Variants in ACSM1 observed in about 807,000 individuals in gnomAD.
ACSM1 encodes the protein acyl-CoA synthetase medium chain family member 1, also known as acyl-coenzyme A synthetase ACSM1, mitochondrial.
A neutral mutation model predicts 75.8 loss-of-function variants in ACSM1; 79 were observed. That is an observed-to-expected ratio of 1.04 (90% CI 0.87 to 1.26). The LOEUF is 1.26. Among genes scored for constraint, ACSM1 ranks in the 50% most tolerant of loss-of-function variants. ACSM1 has a pLI of 0.00. For synonymous variants in ACSM1, 279 were observed against 265.8 expected (o/e 1.05, Z -0.48); for missense variants, 676 against 720.1 (o/e 0.94, Z 0.70).
At chr16:20,673,850 G>A (rs2020107191) in intron 4 of ACSM1, among the ~76,000 whole-genome samples, 1 of 152,116 alleles carries the variant, frequency 6.6e-6, no homozygotes, top group African/African-American at 2.4e-5. Context: ...ATAACCCCCT[G>A]ACTTTACAAA....
In ACSM1 at chr16:20,671,067, T is replaced by G. The variant is rs373442685; in HGVS notation, c.752+464A>C. Among the ~76,000 whole-genome samples, 142 of 152,270 alleles carry G rather than the reference T, an allele frequency of 9.3e-4. 6 individuals are homozygous for G. The South Asian group carries it at 0.028, about 30-fold the overall frequency. Reference sequence around the variant, plus strand: ...TTGGCATAGCTTGGTTCCAGATATTTTCTTCCCTAGAAGTGAATAATTGAG... The same window carrying G: ...TTGGCATAGCTTGGTTCCAGATATTGTCTTCCCTAGAAGTGAATAATTGAG... On this transcript the variant is annotated intron_variant, in intron 5 of 13. Transcript: ENST00000520010.
intron 9 of ACSM1, 135 bp downstream of exon 9, chr16:20,637,236 C>A (rs1275201021): frequency 2.4e-6 from 2 of 818,838 alleles, no homozygotes; most frequent in Admixed American, 3.4e-5. Flanking sequence ...CCATATGAAA[C>A]TGAAGGGATA....
intron 4 of ACSM1, chr16:20,679,785 G>A (rs2079400386): frequency 6.6e-6 from 1 of 152,128 alleles, no homozygotes; most frequent in Non-Finnish European, 1.5e-5. Context: ...GAAATAATCA[G>A]CTATATGTAT....
Position 20,624,555 on chromosome 16 carries a change from C to G in ACSM1, c.1528-340G>C, listed in dbSNP as rs540717939. 3.3e-5 allele frequency among the ~76,000 whole-genome samples: 5 copies of G among 152,314 alleles called. No homozygotes were observed. In the South Asian group the frequency reaches 1.0e-3, roughly 32 times the overall value. On this transcript the variant is annotated intron_variant, in intron 12 of 13. Coordinates refer to ENST00000520010, the MANE Select transcript of ACSM1 (RefSeq NM_001318890.3). ...CTCCCGTCATCAATATTTTCATCAT[C>G]ATTTTTACTGTTATTATATATGTAA...
Position 20,672,471 on chromosome 16 carries a change from A to AAAAAAATATAT in ACSM1, c.612-801_612-800insATATATTTTTT, listed in dbSNP as rs1555473775. ...CTCAAAAAAAAAAAAAAAAAAAAAA[A>AAAAAAATATAT]ATATATATATATATATATATATATA... On this transcript the variant is annotated intron_variant, in intron 4 of 13. Transcript: ENST00000520010. Among the ~76,000 whole-genome samples, 14 of 64,560 alleles carry AAAAAAATATAT rather than the reference A, an allele frequency of 2.2e-4. No homozygotes were observed. In the East Asian group the frequency reaches 3.9e-3, roughly 18 times the overall value. 42.4% of individuals were successfully genotyped at this position (64,560 alleles called of 152,430 possible).
At chr16:20,653,829 C>T (rs180790198) in intron 7 of ACSM1, among the ~76,000 whole-genome samples, 21 of 152,190 alleles carry the variant, frequency 1.4e-4, no homozygotes, top group African/African-American at 4.1e-4. Context: ...GCCATACTGC[C>T]CAAGGTAATT....
chr16:20,626,330 T>A (rs536143215), intron 11 of ACSM1, among the ~76,000 whole-genome samples: 190 of 151,754 alleles, frequency 1.3e-3, no homozygotes, highest in Middle Eastern at 6.8e-3. Flanking sequence ...AGTGGGAGAC[T>A]CTGTCTCAGA....
intron 8 of ACSM1, among the ~76,000 whole-genome samples, chr16:20,637,725 AC>A (rs1240321088): frequency 1.1e-4 from 16 of 152,162 alleles, no homozygotes; most frequent in African/African-American, 3.1e-4. Context: ...GAAAGAAGAA[AC>A]AGGGTATTCC....
At chr16:20,633,078 G>T (rs1011841691) in intron 10 of ACSM1, among the ~76,000 whole-genome samples, 9 of 152,118 alleles carry the variant, frequency 5.9e-5, no homozygotes, top group Non-Finnish European at 1.3e-4. Context: ...GGTGAAAGTT[G>T]GAAAGATTTT....
Position 20,625,411 on chromosome 16 carries a change from T to C in ACSM1, c.1527+12A>G, listed in dbSNP as rs773975000. On this transcript the variant is annotated intron_variant, in intron 12 of 13. Coordinates refer to ENST00000520010, the MANE Select transcript of ACSM1 (RefSeq NM_001318890.3). ...CCACGCACAGACATGATGATCTCTG[T>C]GTTCTCCTCACCTCCCCTCGAATCG... 3 of 1,613,044 alleles carry C rather than the reference T, an allele frequency of 1.9e-6. No homozygotes were observed. Among genetic ancestry groups the C allele is most frequent in the African/African-American group, 1.3e-5 (1 of 74,918 alleles).
intron 4 of ACSM1, chr16:20,676,098 CAA>C (rs946082058): frequency 5.9e-5 from 9 of 152,308 alleles, no homozygotes; most frequent in African/African-American, 2.2e-4. Context: ...GAATTAAGTT[CAA>C]AGAGATACAG....
intron 3 of ACSM1, 110 bp downstream of exon 3, chr16:20,685,083 G>A: frequency 8.6e-7 from 1 of 1,156,398 alleles, no homozygotes. Flanking sequence ...CTGGGGCGAA[G>A]GCTTCAAAGC....
chr16:20,673,676 T>C (rs530595574), intron 4 of ACSM1, among the ~76,000 whole-genome samples: 1 of 152,262 alleles, frequency 6.6e-6, no homozygotes, highest in African/African-American at 2.4e-5. Flanking sequence ...TGGAAAGAGT[T>C]TGCTCCCAAA....
intron 7 of ACSM1, among the ~76,000 whole-genome samples, chr16:20,654,620 C>T (rs978535725): frequency 6.6e-6 from 1 of 152,196 alleles, no homozygotes; most frequent in African/African-American, 2.4e-5. Flanking sequence ...CAAAAGAAGA[C>T]ATTTATGCAG....
chr16:20,635,588 C>A (rs28460160), intron 10 of ACSM1, among the ~76,000 whole-genome samples: 155 of 4,372 alleles, frequency 0.035, no homozygotes, highest in South Asian at 0.1. Context: ...CTTTTTCTTT[C>A]TTTCTTTCTT....
intron 2 of ACSM1, among the ~76,000 whole-genome samples, chr16:20,687,032 C>T (rs182855581): frequency 1.4e-5 from 2 of 142,250 alleles, no homozygotes; most frequent in East Asian, 4.2e-4. Flanking sequence ...TGGTGTGGTG[C>T]GGTGCAGTCA....
At chr16:20,623,594 C>T (rs1183554859) in intron 13 of ACSM1, 22 bp from the exon 14 acceptor site, 1 of 1,606,768 alleles carries the variant, frequency 6.2e-7, no homozygotes, top group South Asian at 1.1e-5. Flanking sequence ...TAAAGCAAAT[C>T]CACAGTGATT....
chr16:20,671,491 C>T lies in ACSM1; in HGVS notation c.752+40G>A, dbSNP rs372301240. On this transcript the variant is annotated intron_variant, in intron 5 of 13. Coordinates refer to ENST00000520010, the MANE Select transcript of ACSM1 (RefSeq NM_001318890.3). The stretch of plus-strand genomic sequence containing the variant: ...CACACACACACACAAACTTTGCCCA[C>T]ATCTGGGTCCAGCCTCTATGTCGGT... 1.9e-6 allele frequency: 3 copies of T among 1,563,358 alleles called. No homozygotes were observed. The African/African-American group carries it at 4.1e-5, about 22-fold the overall frequency.
At chr16:20,624,703 T>G (rs2016805307) in intron 12 of ACSM1, among the ~76,000 whole-genome samples, 1 of 151,610 alleles carries the variant, frequency 6.6e-6, no homozygotes, top group Admixed American at 6.6e-5. Context: ...AATAAAGACT[T>G]TTTTTTTTCA....
Sources: allele counts gnomAD v4.1 joint callset (sites outside exome capture counted in the v4.1 genomes callset), GRCh38; gene constraint gnomAD v4.1.1; transcripts MANE v1.5; gene names NCBI Gene and HGNC (gene_info 2026-07-23, HGNC 2026-07-21).